Variants in PLCG2 observed in about 807,000 individuals in gnomAD.
The protein encoded by PLCG2 is 1-phosphatidylinositol 4,5-bisphosphate phosphodiesterase gamma-2.
In PLCG2, 69 loss-of-function variants were observed where a neutral mutation model predicts 175.6. The observed-to-expected ratio is 0.39, with a 90% CI of 0.32 to 0.48. PLCG2 has a LOEUF of 0.48. PLCG2 is among the 20% of genes least tolerant of loss of function. The pLI is 0.91. For missense variants in PLCG2, 1,798 were observed against 1,650.9 expected (o/e 1.09, Z -1.54); for synonymous variants, 827 against 624.0 (o/e 1.33, Z -4.85).
intron 2 of PLCG2, among the ~76,000 whole-genome samples, chr16:81,824,367 T>G (rs1045717272): frequency 6.6e-6 from 1 of 152,088 alleles, no homozygotes; most frequent in Non-Finnish European, 1.5e-5. Context: ...CTCCTGATCT[T>G]AAGTAATCCA....
At chr16:81,852,126 G>A (rs1906448509) in intron 2 of PLCG2, 1 of 152,314 alleles carries the variant, frequency 6.6e-6, no homozygotes, top group East Asian at 1.9e-4. Flanking sequence ...GGAGTTCAAA[G>A]GTACACCAGG....
chr16:81,847,395 A>G (rs1179363552), intron 2 of PLCG2, among the ~76,000 whole-genome samples: 1 of 152,156 alleles, frequency 6.6e-6, no homozygotes, highest in East Asian at 1.9e-4. Flanking sequence ...ATTGGTGACC[A>G]ACTCAGTCTT....
chr16:81,897,548 C>CTTTTTTTTTTT (rs10710027), intron 13 of PLCG2, among the ~76,000 whole-genome samples: 16 of 128,664 alleles, frequency 1.2e-4, no homozygotes, highest in East Asian at 2.2e-4. Context: ...CTTTTCTTTT[C>CTTTTTTTTTTT]TTTTTTTTTT....
intron 1 of PLCG2, among the ~76,000 whole-genome samples, chr16:81,784,535 A>T (rs1910884511): frequency 2.0e-5 from 3 of 152,204 alleles, no homozygotes; most frequent in African/African-American, 7.2e-5. Flanking sequence ...GGGTCTCTCT[A>T]GTGCTACTCT....
intron 1 of PLCG2, among the ~76,000 whole-genome samples, chr16:81,742,284 C>T (rs1042361889): frequency 4.6e-5 from 7 of 152,112 alleles, no homozygotes; most frequent in Admixed American, 1.3e-4. Flanking sequence ...CTCATTCATG[C>T]ATTCAACCTG....
chr16:81,915,574 T>C (rs984563839), intron 19 of PLCG2, among the ~76,000 whole-genome samples: 1 of 152,256 alleles, frequency 6.6e-6, no homozygotes, highest in Non-Finnish European at 1.5e-5. Context: ...ATTTCATTTA[T>C]GTTTTCCAAA....
chr16:81,871,055 A>G (rs1218696994), intron 7 of PLCG2, 120 bp downstream of exon 7: 1 of 565,752 alleles, frequency 1.8e-6, no homozygotes, highest in Non-Finnish European at 3.1e-6. Context: ...TCAAGGAAAC[A>G]TAAATGAGAA....
At chr16:81,913,775 C>T (rs1317495227) in intron 19 of PLCG2, among the ~76,000 whole-genome samples, 3 of 152,218 alleles carry the variant, frequency 2.0e-5, no homozygotes, top group Admixed American at 6.5e-5. Context: ...TCTCCCCATT[C>T]CCTCTGCCCT....
chr16:81,876,021 T>A (rs373714458), intron 7 of PLCG2, among the ~76,000 whole-genome samples: 6 of 104,720 alleles, frequency 5.7e-5, no homozygotes, highest in African/African-American at 2.4e-4. Context: ...TCTTTCTTTT[T>A]TTTTTTTTTT....
chr16:81,919,836 G>T (rs1005838369), intron 20 of PLCG2, among the ~76,000 whole-genome samples, 172 bp downstream of exon 20: 4 of 152,194 alleles, frequency 2.6e-5, no homozygotes, highest in Non-Finnish European at 5.9e-5. Context: ...TGCTTATAGT[G>T]TAGTGTTGGG....
At chr16:81,847,916 A>G (rs1435348072) in intron 2 of PLCG2, among the ~76,000 whole-genome samples, 1 of 152,248 alleles carries the variant, frequency 6.6e-6, no homozygotes, top group East Asian at 1.9e-4. Context: ...GATCCCCAAC[A>G]GTCACTGAGG....
At chr16:81,874,726 G>A (rs1178446258) in intron 7 of PLCG2, among the ~76,000 whole-genome samples, 1 of 152,148 alleles carries the variant, frequency 6.6e-6, no homozygotes, top group Non-Finnish European at 1.5e-5. Flanking sequence ...TCGTGAGCTT[G>A]CTAGTTCCTC....
intron 30 of PLCG2, among the ~76,000 whole-genome samples, chr16:81,942,733 C>T (rs1453993680): frequency 2.0e-5 from 3 of 152,272 alleles, no homozygotes; most frequent in Admixed American, 2.0e-4. Flanking sequence ...GGTCACACAC[C>T]TGTAGGACCA....
Position 81,910,808 on chromosome 16 carries a change from C to G in PLCG2, c.1934+88C>G, listed in dbSNP as rs1439990272. On this transcript the variant is annotated intron_variant, in intron 18 of 32. Transcript: ENST00000564138. ...AGCTGGCCTGGTGGTTCAGCCGGGC[C>G]AGTCCCCCAGGACACCCTCTCCCCA... 4 of 1,274,008 alleles carry G rather than the reference C, an allele frequency of 3.1e-6. No individual in the cohort carries two copies. In the East Asian group the frequency reaches 9.3e-5, roughly 30 times the overall value. The allele number at this position is 1,274,008 out of a possible 1,614,324, so 78.9% of individuals were successfully genotyped here. A position where few individuals can be genotyped will look rare whatever the true frequency, so the allele number is the denominator to read the frequency against.
chr16:81,838,778 A>AATATATATAT (rs10549962), intron 2 of PLCG2, among the ~76,000 whole-genome samples: 154 of 141,668 alleles, frequency 1.1e-3, no homozygotes, highest in African/African-American at 2.0e-3. Context: ...AGTAAAATTA[A>AATATATATAT]ATATATATAT....
intron 24 of PLCG2, among the ~76,000 whole-genome samples, chr16:81,929,380 T>G (rs1337281254): frequency 1.3e-5 from 2 of 152,188 alleles, no homozygotes; most frequent in African/African-American, 4.8e-5. Flanking sequence ...ATGCTCTGCT[T>G]TACACATTCA....
chr16:81,883,257 C>G lies in PLCG2; in HGVS notation c.693-12C>G. The G allele has an allele frequency of 1.9e-6, 3 of 1,613,402 alleles. No homozygotes were observed. The South Asian group carries it at 3.3e-5, about 18-fold the overall frequency. Reference sequence around the variant, plus strand: ...GTCTGTCTCTAACTGCACCCCCTTTCCCCGAGGATAGGAACACTGACAGGC... The same window carrying G: ...GTCTGTCTCTAACTGCACCCCCTTTGCCCGAGGATAGGAACACTGACAGGC... On this transcript the variant is annotated splice_polypyrimidine_tract_variant and intron_variant, in intron 8 of 32. Transcript: ENST00000564138.
chr16:81,808,466 T>C (rs1904292103), intron 2 of PLCG2, among the ~76,000 whole-genome samples: 1 of 152,196 alleles, frequency 6.6e-6, no homozygotes, highest in South Asian at 2.1e-4. Context: ...CTCTGCCACC[T>C]ACCACTGTGC....
rs8049604 is a variant in PLCG2, at chr16:81,861,686, T to G, written c.479+2523T>G. 3.3e-3 allele frequency among the ~76,000 whole-genome samples: 503 copies of G among 152,338 alleles called. 4 individuals are homozygous for G. The highest frequency in any genetic ancestry group is 0.012 in the African/African-American group (483 of 41,580). ...ATGCCTCTTCTGACTTTTCTTTCTC[T>G]GTGGCTTATGATGATTCATAGCTGA... is the stretch of plus-strand genomic sequence containing the variant. On this transcript the variant is annotated intron_variant, in intron 5 of 32. Coordinates refer to ENST00000564138, the MANE Select transcript of PLCG2 (RefSeq NM_002661.5).
Sources: gnomAD v4.1 joint callset for allele counts (sites outside exome capture counted in the v4.1 genomes callset) on GRCh38, gnomAD v4.1.1 for gene constraint, MANE v1.5 for transcripts, NCBI Gene and HGNC (gene_info 2026-07-23, HGNC 2026-07-21) for gene names.